ZNF44: variants seen among roughly 807,000 people sequenced by gnomAD.
ZNF44 encodes zinc finger protein 44, also known as gonadotropin inducible transcription repressor-2.
A neutral mutation model predicts 11.7 loss-of-function variants in ZNF44; 9 were observed. The ratio of observed to expected loss-of-function variants is 0.77; its 90% CI spans 0.46 to 1.35. The LOEUF is 1.35. Among genes scored for constraint, ZNF44 ranks in the 40% most tolerant of loss-of-function variants. The pLI is 0.00. For missense variants in ZNF44, 696 were observed against 743.1 expected (o/e 0.94, Z 0.74); for synonymous variants, 224 against 242.7 (o/e 0.92, Z 0.72).
chr19:12,233,570 A>AAAAAAC (rs1568419648), intron 2 of ZNF44, among the ~76,000 whole-genome samples: 13 of 148,588 alleles, frequency 8.7e-5, no homozygotes, highest in African/African-American at 3.4e-4. Flanking sequence ...AAAAAAAAAA[A>AAAAAAC]AACCTGACAA....
downstream of ZNF44, among the ~76,000 whole-genome samples, chr19:12,271,532 C>T (rs115153360): frequency 0.031 from 4,755 of 152,236 alleles, 240 homozygotes; most frequent in African/African-American, 0.11. Context: ...CACATCTAGT[C>T]ACCTCTACAC....
At chr19:12,274,885 G>T in intron 3 of ZNF44, 88 bp downstream of exon 3, 1 of 952,850 alleles carries the variant, frequency 1.0e-6, no homozygotes, top group Non-Finnish European at 1.6e-6. Context: ...AGCTGGGCTT[G>T]TTCATAATCT....
chr19:12,274,603 TC>T lies in ZNF44; in HGVS notation c.191+369del, dbSNP rs955186817. On this transcript the variant is annotated intron_variant, in intron 3 of 3. Transcript: ENST00000355684. ...TTTTTTTTTTAAGACAGGGTCTTGC[TC>T]TGTCACTTAGGTTAGAGTGCACCAG... 5.6e-4 allele frequency among the ~76,000 whole-genome samples: 85 copies of T among 151,362 alleles called. 1 individual carries two copies. Among genetic ancestry groups the T allele is most frequent in the African/African-American group, 2.0e-3 (84 of 41,210 alleles).
chr19:12,232,838 A>C (rs2145676462), intron 2 of ZNF44, among the ~76,000 whole-genome samples: 1 of 152,288 alleles, frequency 6.6e-6, no homozygotes, highest in East Asian at 1.9e-4. Flanking sequence ...GCTGTCCAAG[A>C]GAGGAAGAGA....
chr19:12,260,946 C>T (rs1474235808), intron 5 of ZNF44, among the ~76,000 whole-genome samples: 1 of 152,188 alleles, frequency 6.6e-6, no homozygotes, highest in Non-Finnish European at 1.5e-5. Context: ...ACAGCACCAA[C>T]TGCTAGTCAC....
chr19:12,225,115 A>ATAGT (rs1915862135), downstream of ZNF44: 1 of 152,286 alleles, frequency 6.6e-6, no homozygotes, highest in East Asian at 1.9e-4. Context: ...TCCAGACCTC[A>ATAGT]TAGTTATAAA....
intron 2 of ZNF44, among the ~76,000 whole-genome samples, chr19:12,230,981 G>A (rs1033217984): frequency 1.3e-5 from 2 of 152,112 alleles, no homozygotes; most frequent in African/African-American, 4.8e-5. Flanking sequence ...GAATGTTTCT[G>A]GTTGGAGATG....
chr19:12,225,414 T>C (rs2145669013), downstream of ZNF44: 1 of 152,366 alleles, frequency 6.6e-6, no homozygotes, highest in East Asian at 1.9e-4. Flanking sequence ...TTGTTTGTTT[T>C]GGTACTCCTT....
chr19:12,237,694 T>C (rs1916444983), upstream of ZNF44: 1 of 151,836 alleles, frequency 6.6e-6, no homozygotes, highest in Non-Finnish European at 1.5e-5. Flanking sequence ...CCCCACCCCC[T>C]AGGCCCGGGT....
intron 7 of ZNF44, among the ~76,000 whole-genome samples, chr19:12,248,901 T>C (rs965416333): frequency 4.8e-5 from 7 of 144,576 alleles, no homozygotes; most frequent in East Asian, 4.2e-4. Flanking sequence ...TTTCTCTTTT[T>C]TTTTTTTTTT....
At chr19:12,277,781 A>G (rs976337284) in intron 1 of ZNF44, among the ~76,000 whole-genome samples, 1 of 152,166 alleles carries the variant, frequency 6.6e-6, no homozygotes, top group Non-Finnish European at 1.5e-5. Flanking sequence ...TTTCCACATT[A>G]TTGCCTTTGT....
intron 7 of ZNF44, chr19:12,249,885 G>T: frequency 1.1e-6 from 1 of 876,244 alleles, no homozygotes; most frequent in Non-Finnish European, 1.6e-6. Context: ...TACATTTGAG[G>T]CTCAGCTTGT....
intron 3 of ZNF44, among the ~76,000 whole-genome samples, chr19:12,274,266 CTTTTTTT>C (rs869093549): frequency 4.4e-5 from 4 of 90,204 alleles, no homozygotes; most frequent in African/African-American, 8.8e-5. Context: ...ATTCTTAATT[CTTTTTTT>C]TTTTTTTTTT....
intron 1 of ZNF44, chr19:12,284,269 A>C: frequency 2.4e-6 from 1 of 418,928 alleles, no homozygotes. Context: ...GAGATAATAC[A>C]TAATCACATG....
chr19:12,259,280 T>C (rs537293079), intron 5 of ZNF44, among the ~76,000 whole-genome samples: 2 of 152,322 alleles, frequency 1.3e-5, no homozygotes, highest in African/African-American at 4.8e-5. Flanking sequence ...TCTGCTCTAT[T>C]TATTTTATAT....
chr19:12,253,678 A>AC (rs1917118320), intron 5 of ZNF44, among the ~76,000 whole-genome samples: 1 of 150,892 alleles, frequency 6.6e-6, no homozygotes, highest in African/African-American at 2.4e-5. Context: ...CAGTAGGCAG[A>AC]AAAAAAAACA....
At chr19:12,245,293 T>A (rs987542151), downstream of ZNF44, among the ~76,000 whole-genome samples, 2 of 152,180 alleles carry the variant, frequency 1.3e-5, no homozygotes, top group African/African-American at 2.4e-5. Context: ...TATTCTCAGG[T>A]AATGGAAAAT....
At chr19:12,266,440 G>T (rs73004260) in intron 5 of ZNF44, 3 of 627,810 alleles carry the variant, frequency 4.8e-6, no homozygotes, top group Non-Finnish European at 6.0e-6. Context: ...CAAACCCACG[G>T]GCTTTAGCGC....
intron 1 of ZNF44, among the ~76,000 whole-genome samples, chr19:12,283,823 C>T (rs757548345): frequency 7.9e-5 from 12 of 152,030 alleles, no homozygotes; most frequent in Non-Finnish European, 1.3e-4. Context: ...GAAACCAGCC[C>T]GGCAACATGG....
Sources: gnomAD v4.1 joint callset for allele counts (sites outside exome capture counted in the v4.1 genomes callset) on GRCh38, gnomAD v4.1.1 for gene constraint, MANE v1.5 for transcripts, NCBI Gene and HGNC (gene_info 2026-07-23, HGNC 2026-07-21) for gene names.